ZNF729: variants seen among roughly 807,000 people sequenced by gnomAD.
ZNF729 encodes zinc finger protein 729.
ZNF729 carries 15 observed loss-of-function variants against 12.2 expected under a neutral mutation model. The ratio of observed to expected loss-of-function variants is 1.23; its 90% CI spans 0.82 to 1.89. ZNF729 has a LOEUF of 1.89. Among genes scored for constraint, ZNF729 ranks in the 40% most tolerant of loss-of-function variants. ZNF729 has a pLI of 0.00. For missense variants in ZNF729, 1,540 were observed against 1,456.7 expected (o/e 1.06, Z -0.93); for synonymous variants, 492 against 476.3 (o/e 1.03, Z -0.43).
rs1435713239 is a variant in ZNF729, at chr19:22,315,186, A to T, written c.1769A>T (p.His590Leu). 4.3e-6 allele frequency: 7 copies of T among 1,611,162 alleles called. No individual in the cohort carries two copies. Among genetic ancestry groups the T allele is most frequent in the Non-Finnish European group, 5.9e-6 (7 of 1,178,830 alleles). ...AAGCATTTCTCAGCCCTCAGAAAAC[A>T]TAAGGTAATTCATACTAGGGAGAAA... Reference protein sequence around the residue: ...AFKHFSALRKHKVIHTREKLY... With the variant: ...AFKHFSALRKLKVIHTREKLY... Residue 590 changes from histidine to leucine, a missense_variant, in exon 4 of 4, where the codon CAT (histidine) becomes CTT (leucine). Physicochemically the swap from His to Leu is moderately conservative, Grantham distance 99. Transcript: ENST00000601693.
At chr19:22,294,186 G>A (rs903647830) in intron 1 of ZNF729, among the ~76,000 whole-genome samples, 2 of 152,172 alleles carry the variant, frequency 1.3e-5, no homozygotes, top group African/African-American at 2.4e-5. Context: ...TTTCTACACA[G>A]TGCTAGGTGT....
intron 1 of ZNF729, among the ~76,000 whole-genome samples, chr19:22,288,929 T>C (rs111711472): frequency 0.022 from 3,344 of 152,124 alleles, 111 homozygotes; most frequent in African/African-American, 0.077. Context: ...GTAAAATACA[T>C]CTGGGGCACT....
rs1161333017 is a variant in ZNF729, at chr19:22,316,702, G to A, written c.3285G>A (p.Lys1095=). Reference sequence around the variant, plus strand: ...ATTTCTCAGCCCTTAGAAAACATAAGGTAATTCATACTGGAAAGAAACCCT... The same window carrying A: ...ATTTCTCAGCCCTTAGAAAACATAAAGTAATTCATACTGGAAAGAAACCCT... ...FKHFSALRKH[K]VIHTGKKPYQ... The change falls in exon 4 of 4, where the codon AAG becomes AAA. Residue 1095 remains lysine, a synonymous_variant. Transcript: ENST00000601693. The A allele has an allele frequency of 6.2e-7, 1 of 1,611,484 alleles. No homozygotes were observed.
intron 1 of ZNF729, among the ~76,000 whole-genome samples, chr19:22,301,748 G>A (rs1968308114): frequency 6.6e-6 from 1 of 152,308 alleles, no homozygotes; most frequent in Non-Finnish European, 1.5e-5. Flanking sequence ...GTATAAACAG[G>A]CATCTTAGGA....
intron 1 of ZNF729, among the ~76,000 whole-genome samples, chr19:22,287,518 C>T (rs1948080048): frequency 2.0e-5 from 3 of 152,048 alleles, no homozygotes; most frequent in South Asian, 2.1e-4. Flanking sequence ...CCGTCCTCCT[C>T]GGCCTCCTAA....
At chr19:22,306,858 GTC>G (rs1485126736) in intron 3 of ZNF729, among the ~76,000 whole-genome samples, 2 of 151,352 alleles carry the variant, frequency 1.3e-5, no homozygotes, top group African/African-American at 4.8e-5. Flanking sequence ...TTTTATATAT[GTC>G]TGTATATTTA....
intron 1 of ZNF729, among the ~76,000 whole-genome samples, chr19:22,302,849 G>C (rs1187823984): frequency 3.6e-5 from 4 of 109,790 alleles, no homozygotes; most frequent in Non-Finnish European, 4.0e-5. Context: ...GAGTGCAGTG[G>C]CGCAATCTCA....
Position 22,309,956 on chromosome 19 carries a change from G to T in ZNF729, c.254-3715G>T, listed in dbSNP as rs545175294. Among the ~76,000 whole-genome samples, 246 of 144,204 alleles carry T rather than the reference G, an allele frequency of 1.7e-3. 1 individual carries two copies. The highest frequency in any genetic ancestry group is 5.6e-3 in the African/African-American group (221 of 39,770). The allele number at this position is 144,204 out of a possible 152,430, so 94.6% of individuals were successfully genotyped here. On this transcript the variant is annotated intron_variant, in intron 3 of 3. Transcript: ENST00000601693. ...TTAGGCATATTCCTAAGTTTTTGGG[G>T]TTTTTTTTTTTCACGGCTATTGTAA...
intron 1 of ZNF729, among the ~76,000 whole-genome samples, chr19:22,296,312 TG>T (rs1222569557): frequency 1.3e-5 from 2 of 152,212 alleles, no homozygotes; most frequent in African/African-American, 2.4e-5. Context: ...AATTTGTTAT[TG>T]GTCTATTCAG....
At chr19:22,286,704 G>A (rs1391098086) in intron 1 of ZNF729, 149 bp downstream of exon 1, 1 of 1,049,374 alleles carries the variant, frequency 9.5e-7, no homozygotes, top group Non-Finnish European at 1.5e-6. Context: ...GTCTCCTTCA[G>A]CCATAAGATG....
intron 3 of ZNF729, 90 bp downstream of exon 3, chr19:22,304,873 G>A: frequency 7.5e-7 from 1 of 1,333,246 alleles, no homozygotes; most frequent in African/African-American, 1.5e-5. Context: ...CTGAGAAGCT[G>A]TGCTCCAAAG....
intron 1 of ZNF729, among the ~76,000 whole-genome samples, chr19:22,301,833 T>A (rs1260829235): frequency 1.3e-5 from 2 of 152,306 alleles, no homozygotes; most frequent in Non-Finnish European, 2.9e-5. Flanking sequence ...GATACTGGAG[T>A]AGAGTATTGT....
At position 22,313,875 on chromosome 19, in the gene ZNF729, T is replaced by C. The variant is rs756731746; in HGVS notation, c.458T>C (p.Ile153Thr). The C allele has an allele frequency of 1.2e-5, 18 of 1,548,324 alleles. No individual in the cohort carries two copies. The highest frequency in any genetic ancestry group is 8.2e-5 in the Admixed American group (4 of 48,992). Residue 153 changes from isoleucine to threonine, a missense_variant, in exon 4 of 4, where the codon ATA becomes ACA. Physicochemically the swap from Ile to Thr is moderately conservative, Grantham distance 89 (BLOSUM62 -1). Coordinates refer to ENST00000601693, the MANE Select transcript of ZNF729 (RefSeq NM_001242680.2). ...TGCAGGACAGCTACCCAGAGAAAAA[T>C]ATTTCAGTGTAACAAACATATGAAA... ...NQCRTATQRK[I>T]FQCNKHMKVF...
intron 1 of ZNF729, among the ~76,000 whole-genome samples, chr19:22,301,818 A>C (rs1290947186): frequency 1.3e-5 from 2 of 152,428 alleles, no homozygotes; most frequent in Non-Finnish European, 2.9e-5. Flanking sequence ...CTACCTGTAA[A>C]ATGTGATACT....
At chr19:22,302,210 T>C (rs923823129) in intron 1 of ZNF729, among the ~76,000 whole-genome samples, 3 of 152,426 alleles carry the variant, frequency 2.0e-5, no homozygotes, top group African/African-American at 7.2e-5. Context: ...AAGAAGGAGG[T>C]CCTGAGACTC....
At chr19:22,313,537 T>C in intron 3 of ZNF729, 134 bp from the exon 4 acceptor site, 1 of 745,410 alleles carries the variant, frequency 1.3e-6, no homozygotes, top group East Asian at 3.0e-5. Context: ...TTTATATGTC[T>C]ATGAAGAAAT....
chr19:22,310,767 A>AT (rs1260911631), intron 3 of ZNF729, among the ~76,000 whole-genome samples: 2 of 152,144 alleles, frequency 1.3e-5, no homozygotes, highest in Non-Finnish European at 2.9e-5. Flanking sequence ...TGTCAATAGC[A>AT]TTGCTACCAA....
intron 3 of ZNF729, among the ~76,000 whole-genome samples, chr19:22,307,286 A>G (rs906529527): frequency 2.7e-5 from 4 of 146,176 alleles, no homozygotes; most frequent in African/African-American, 7.6e-5. Flanking sequence ...GATTACAAGC[A>G]TGAGCCACTG....
intron 1 of ZNF729, among the ~76,000 whole-genome samples, chr19:22,291,427 C>T (rs1434570405): frequency 1.3e-5 from 2 of 152,124 alleles, no homozygotes; most frequent in Admixed American, 1.3e-4. Flanking sequence ...CCACACCCCT[C>T]GTAGGAATAG....
Sources: gnomAD v4.1 joint callset for allele counts (sites outside exome capture counted in the v4.1 genomes callset) on GRCh38, gnomAD v4.1.1 for gene constraint, MANE v1.5 for transcripts, NCBI Gene and HGNC (gene_info 2026-07-23, HGNC 2026-07-21) for gene names.